The following PDZD2 variants were observed in gnomAD, a reference collection of about 807,000 sequenced individuals.
PDZD2 encodes PDZ domain containing 2.
PDZD2 carries 90 observed loss-of-function variants against 220.7 expected under a neutral mutation model. The ratio of observed to expected loss-of-function variants is 0.41; its 90% confidence interval spans 0.34 to 0.49. PDZD2 has a LOEUF of 0.49. Ranked by LOEUF, PDZD2 falls within the 20% of genes least tolerant of loss-of-function variation. The probability of loss-of-function intolerance (pLI) is 0.28; values close to 1 mark genes in which losing one functional copy is unlikely to be tolerated. For missense variants in PDZD2, 3,174 were observed against 3,608.5 expected (o/e 0.88, Z 3.08); for synonymous variants, 1,375 against 1,450.5 (o/e 0.95, Z 1.18).
intron 1 of PDZD2, among the ~76,000 whole-genome samples, chr5:31,685,995 C>T (rs1361745400): frequency 1.3e-5 from 2 of 151,986 alleles, no homozygotes; most frequent in East Asian, 1.9e-4. Context: ...GTCAGGAGTT[C>T]GAGATCAGCC....
chr5:31,917,914 T>C (rs933486616), intron 2 of PDZD2, among the ~76,000 whole-genome samples: 5 of 152,130 alleles, frequency 3.3e-5, no homozygotes, highest in Non-Finnish European at 7.3e-5. Flanking sequence ...TAATTTTGTA[T>C]TTTTAGTAGA....
chr5:32,066,348 TCAATC>T (rs1184335742), intron 14 of PDZD2, among the ~76,000 whole-genome samples: 1 of 152,046 alleles, frequency 6.6e-6, no homozygotes, highest in African/African-American at 2.4e-5. Context: ...CTATCTCAAG[TCAATC>T]AATCAGTCAC....
At chr5:32,020,643 TTTTTTTTTTTC>T (rs1374627172) in intron 6 of PDZD2, among the ~76,000 whole-genome samples, 2 of 3,068 alleles carry the variant, frequency 6.5e-4, no homozygotes, top group Non-Finnish European at 2.4e-3. Flanking sequence ...CAAAATGATC[TTTTTTTTTTTC>T]TTTTTTTTTT....
chr5:31,821,271 G>T (rs1755829291), intron 2 of PDZD2, among the ~76,000 whole-genome samples: 1 of 146,280 alleles, frequency 6.8e-6, no homozygotes, highest in Admixed American at 7.0e-5. Flanking sequence ...AAATTTAATG[G>T]GCATTTATTT....
intron 2 of PDZD2, among the ~76,000 whole-genome samples, chr5:31,871,313 T>C (rs1738770980): frequency 6.6e-6 from 1 of 152,244 alleles, no homozygotes; most frequent in Non-Finnish European, 1.5e-5. Flanking sequence ...GGATCACCTG[T>C]ATTTGGAATA....
chr5:31,923,329 G>T, intron 2 of PDZD2: 1 of 770,222 alleles, frequency 1.3e-6, no homozygotes, highest in Non-Finnish European at 2.3e-6. Flanking sequence ...TGCGGTGGTT[G>T]CTGTAAGGGG....
At chr5:32,052,204 G>A (rs1182955874) in intron 8 of PDZD2, among the ~76,000 whole-genome samples, 1 of 152,204 alleles carries the variant, frequency 6.6e-6, no homozygotes, top group East Asian at 1.9e-4. Context: ...GGAGTGCAGT[G>A]GCACAATCTC....
At position 31,655,485 on chromosome 5, in the gene PDZD2, A is replaced by G. The variant is rs558697436; in HGVS notation, c.-361+16048A>G. Among the ~76,000 whole-genome samples the G allele has an allele frequency of 2.2e-4, 33 of 151,902 alleles. No homozygotes were observed. The East Asian group carries it at 5.4e-3, about 25-fold the overall frequency. On this transcript the variant is annotated intron_variant, in intron 1 of 24. Coordinates refer to ENST00000438447, the MANE Select transcript of PDZD2 (RefSeq NM_178140.4). ...TGCGCCCGGCCTAGTTTTTTAATAT[A>G]TCATATATTTTACTGACGTAATTTG...
At chr5:31,795,579 C>T (rs2150225294) in intron 1 of PDZD2, among the ~76,000 whole-genome samples, 1 of 152,298 alleles carries the variant, frequency 6.6e-6, no homozygotes, top group East Asian at 1.9e-4. Context: ...GCTTGTAGGC[C>T]TTTGCACAGA....
At chr5:31,892,692 C>T (rs1013680739) in intron 2 of PDZD2, among the ~76,000 whole-genome samples, 2 of 124,418 alleles carry the variant, frequency 1.6e-5, no homozygotes, top group East Asian at 2.4e-4. Context: ...CTCATCCTCC[C>T]GAGTAGCTAG....
At chr5:31,763,873 A>T (rs77348030) in intron 1 of PDZD2, among the ~76,000 whole-genome samples, 1 of 147,486 alleles carries the variant, frequency 6.8e-6, no homozygotes, top group African/African-American at 2.5e-5. Context: ...CTCTGATTAA[A>T]AAAAAAAAAA....
At chr5:31,925,435 AC>A (rs1419988275) in intron 2 of PDZD2, among the ~76,000 whole-genome samples, 2 of 152,162 alleles carry the variant, frequency 1.3e-5, no homozygotes, top group Non-Finnish European at 2.9e-5. Flanking sequence ...CTGGACCCCT[AC>A]CTTTTACCAT....
intron 7 of PDZD2, among the ~76,000 whole-genome samples, chr5:32,044,194 C>T (rs960133519): frequency 6.6e-5 from 10 of 151,930 alleles, no homozygotes; most frequent in African/African-American, 2.4e-4. Context: ...CTGGGCATGG[C>T]GGCAGGTACC....
In PDZD2 at chr5:32,091,095, T is replaced by C; in HGVS notation, c.7647T>C (p.Ser2549=). 1 of 1,606,622 alleles carries C rather than the reference T, an allele frequency of 6.2e-7. No homozygotes were observed. Reference sequence around the variant, plus strand: ...CAGGAGGAAGTGGCCCTAAAACCAGTGCTGCTGAGACACCCAGTTCAGCCA... The same window carrying C: ...CAGGAGGAAGTGGCCCTAAAACCAGCGCTGCTGAGACACCCAGTTCAGCCA... ...ACPGGSGPKT[S]AAETPSSASD... The change falls in exon 20 of 25, where the codon AGT becomes AGC. Residue 2549 remains serine, a synonymous_variant. Transcript: ENST00000438447.
intron 1 of PDZD2, among the ~76,000 whole-genome samples, chr5:31,759,677 C>T (rs1751516684): frequency 6.6e-6 from 1 of 151,840 alleles, no homozygotes; most frequent in Non-Finnish European, 1.5e-5. Context: ...TCCTGAGTAG[C>T]TGGGATTACA....
In PDZD2 at chr5:31,706,716, C is replaced by T. The variant is rs557586539; in HGVS notation, c.-361+67279C>T. ...AAAATTAGCTGGGTGTGATGGCGGG[C>T]GCCTGTAATCCCAGCTACTTGGGAG... On this transcript the variant is annotated intron_variant, in intron 1 of 24. Transcript: ENST00000438447. 1.9e-3 allele frequency among the ~76,000 whole-genome samples: 294 copies of T among 151,890 alleles called. 1 individual carries two copies. Among genetic ancestry groups the T allele is most frequent in the Middle Eastern group, 0.014 (4 of 294 alleles).
At chr5:31,919,163 A>G (rs1309912206) in intron 2 of PDZD2, among the ~76,000 whole-genome samples, 4 of 152,210 alleles carry the variant, frequency 2.6e-5, no homozygotes, top group African/African-American at 9.6e-5. Flanking sequence ...ACAGCTTGAC[A>G]AATGCCCACT....
intron 21 of PDZD2, among the ~76,000 whole-genome samples, chr5:32,093,336 C>T (rs906813042): frequency 6.6e-6 from 1 of 152,180 alleles, no homozygotes; most frequent in African/African-American, 2.4e-5. Flanking sequence ...GTCCTCAAAG[C>T]AGAGCTAGTC....
chr5:31,815,539 G>A (rs963727016), intron 2 of PDZD2, among the ~76,000 whole-genome samples: 1 of 152,192 alleles, frequency 6.6e-6, no homozygotes, highest in Non-Finnish European at 1.5e-5. Context: ...CTGCTACAAA[G>A]AGTCTGTTTT....
Sources: allele counts gnomAD v4.1 joint callset (sites outside exome capture counted in the v4.1 genomes callset), GRCh38; gene constraint gnomAD v4.1.1; transcripts MANE v1.5; gene names NCBI Gene and HGNC (gene_info 2026-07-23, HGNC 2026-07-21).